Variants in GPHN observed in about 807,000 individuals in gnomAD.
GPHN encodes the protein gephyrin.
A neutral mutation model predicts 95.5 loss-of-function variants in GPHN; 17 were observed. That is an observed-to-expected ratio of 0.18 (90% CI 0.12 to 0.27). The LOEUF is 0.27. Ranked by LOEUF, GPHN falls within the 10% of genes least tolerant of loss-of-function variation. The pLI is 1.00. For synonymous variants in GPHN, 320 were observed against 322.5 expected (o/e 0.99, Z 0.08); for missense variants, 660 against 978.1 (o/e 0.67, Z 4.34).
the GPHN span, chr14:67,690,456 G>T: frequency 1.3e-6 from 2 of 1,583,198 alleles, no homozygotes; most frequent in Non-Finnish European, 1.7e-6. Context: ...GAAGTTCAGG[G>T]CCATGTAGGA....
At chr14:67,209,944 C>A in the GPHN span, among the ~76,000 whole-genome samples, 1 of 151,858 alleles carries the variant, frequency 6.6e-6, no homozygotes, top group Admixed American at 6.6e-5. Context: ...AAAATTTACT[C>A]CAGAAGACAA....
the GPHN span, chr14:67,722,321 G>C: frequency 1.1e-5 from 5 of 449,434 alleles, no homozygotes; most frequent in Admixed American, 6.8e-5. Context: ...AGAAACAATT[G>C]AGGATGGGGG....
At chr14:67,535,377 T>C in the GPHN span, among the ~76,000 whole-genome samples, 1 of 133,560 alleles carries the variant, frequency 7.5e-6, no homozygotes, top group Non-Finnish European at 1.6e-5. Flanking sequence ...CATCTTTTTT[T>C]TTTTTTTTTT....
At chr14:67,301,098 T>C in the GPHN span, among the ~76,000 whole-genome samples, 10 of 152,250 alleles carry the variant, frequency 6.6e-5, no homozygotes, top group South Asian at 2.1e-3. Flanking sequence ...TCTTTTCTTA[T>C]GTAATTATTA....
chr14:67,328,002 A>G, the GPHN span, among the ~76,000 whole-genome samples: 2 of 152,206 alleles, frequency 1.3e-5, no homozygotes, highest in Non-Finnish European at 2.9e-5. Context: ...ATACCCAGTA[A>G]TGGGATGGCT....
chr14:66,598,048 G>A (rs2062059314), intron 1 of GPHN, among the ~76,000 whole-genome samples: 1 of 152,150 alleles, frequency 6.6e-6, no homozygotes, highest in Non-Finnish European at 1.5e-5. Context: ...ACATACTCAT[G>A]ATCTTACTTA....
the GPHN span, among the ~76,000 whole-genome samples, chr14:67,320,699 C>T: frequency 9.5e-5 from 14 of 147,286 alleles, no homozygotes; most frequent in South Asian, 3.1e-3. Flanking sequence ...AAGATAGAAA[C>T]TTAGGCATAA....
At chr14:66,555,504 C>CTGCCTTTTGAAAGG (rs1388865072) in intron 1 of GPHN, among the ~76,000 whole-genome samples, 3 of 152,090 alleles carry the variant, frequency 2.0e-5, no homozygotes, top group African/African-American at 7.2e-5. Context: ...CCCCCCGCAA[C>CTGCCTTTTGAAAGG]CCACGCTGCC....
intron 4 of GPHN, among the ~76,000 whole-genome samples, chr14:66,872,680 G>A (rs1455369932): frequency 6.6e-6 from 1 of 152,024 alleles, no homozygotes; most frequent in African/African-American, 2.4e-5. Flanking sequence ...AGATCACCCT[G>A]AGGTCAGGAG....
chr14:67,596,848 T>C, the GPHN span, among the ~76,000 whole-genome samples: 3 of 152,362 alleles, frequency 2.0e-5, no homozygotes, highest in East Asian at 3.9e-4. Context: ...AATCTCCACT[T>C]GTCCATGCTA....
At chr14:67,026,711 C>T (rs540159977) in intron 10 of GPHN, among the ~76,000 whole-genome samples, 2 of 152,254 alleles carry the variant, frequency 1.3e-5, no homozygotes, top group South Asian at 2.1e-4. Flanking sequence ...GGCGCGATCT[C>T]GGCTCACTGC....
chr14:67,568,951 T>C, the GPHN span: 2 of 573,988 alleles, frequency 3.5e-6, no homozygotes, highest in South Asian at 4.2e-5. Flanking sequence ...GTAAGTATTA[T>C]TACCTCCATT....
At chr14:66,827,848 T>C (rs2061438422) in intron 4 of GPHN, among the ~76,000 whole-genome samples, 1 of 152,094 alleles carries the variant, frequency 6.6e-6, no homozygotes, top group South Asian at 2.1e-4. Flanking sequence ...TTGTTTCTTT[T>C]CTTTTTTGGC....
the GPHN span, among the ~76,000 whole-genome samples, chr14:67,651,958 A>G: frequency 2.0e-5 from 3 of 152,148 alleles, no homozygotes; most frequent in Non-Finnish European, 4.4e-5. Context: ...GGAGCTTAAA[A>G]ATTTTCCTAT....
intron 3 of GPHN, among the ~76,000 whole-genome samples, chr14:66,821,946 T>C (rs1368829814): frequency 6.6e-6 from 1 of 152,162 alleles, no homozygotes; most frequent in Non-Finnish European, 1.5e-5. Flanking sequence ...GTAATAAAAC[T>C]GATTTTTGTT....
At chr14:67,621,170 A>G in the GPHN span, among the ~76,000 whole-genome samples, 1 of 152,292 alleles carries the variant, frequency 6.6e-6, no homozygotes, top group Non-Finnish European at 1.5e-5. Flanking sequence ...GTTGGAAGGC[A>G]AGGAGGTAGA....
chr14:67,647,867 A>G, the GPHN span: 6 of 634,912 alleles, frequency 9.5e-6, no homozygotes, highest in African/African-American at 1.8e-5. Context: ...GGAAGTTAAT[A>G]TTGCCAATCT....
intron 12 of GPHN, among the ~76,000 whole-genome samples, chr14:67,091,664 T>C (rs189975857): frequency 6.6e-6 from 1 of 152,056 alleles, no homozygotes; most frequent in African/African-American, 2.4e-5. Flanking sequence ...TCTGTGATTT[T>C]TACATGAGCT....
the GPHN span, chr14:67,573,214 T>TG: frequency 9.8e-7 from 1 of 1,021,118 alleles, no homozygotes; most frequent in Non-Finnish European, 1.5e-6. The surrounding 1 kb of genome is among the most constrained non-coding windows in gnomAD (Gnocchi z 4.8). Flanking sequence ...CTTGGACCTG[T>TG]GTGATGTCTA....
Sources: allele counts gnomAD v4.1 joint callset (sites outside exome capture counted in the v4.1 genomes callset), GRCh38; gene constraint gnomAD v4.1.1; non-coding constraint Gnocchi (gnomAD v3.1); transcripts MANE v1.5; gene names NCBI Gene and HGNC (gene_info 2026-07-23, HGNC 2026-07-21).